The following TRPC5 variants were observed in gnomAD, a reference collection of about 807,000 sequenced individuals.
TRPC5 encodes short transient receptor potential channel 5.
A neutral mutation model predicts 56.5 loss-of-function variants in TRPC5; 9 were observed. The ratio of observed to expected loss-of-function variants is 0.16; its 90% CI spans 0.10 to 0.28. TRPC5 has a LOEUF of 0.28. Among genes scored for constraint, TRPC5 ranks in the 10% least tolerant of loss-of-function variants. TRPC5 has a pLI of 1.00. For synonymous variants in TRPC5, 282 were observed against 278.5 expected (o/e 1.01, Z -0.13); for missense variants, 469 against 748.9 (o/e 0.63, Z 4.36).
chrX:112,031,923 T>TAA (rs1408316984), intron 1 of TRPC5, among the ~76,000 whole-genome samples: 5 of 109,326 alleles, frequency 4.6e-5, no homozygotes, highest in Admixed American at 2.0e-4. Flanking sequence ...TATATATATA[T>TAA]AATCTCAAAA....
In TRPC5 at chrX:111,852,566, T is replaced by C. The variant is rs1217731757; in HGVS notation, c.1238-129A>G. 8 of 727,287 alleles carry C rather than the reference T, an allele frequency of 1.1e-5. No individual in the cohort carries two copies. The African/African-American group carries it at 1.8e-4, about 16-fold the overall frequency. The allele number at this position is 727,287 out of a possible 1,213,427, so 59.9% of individuals were successfully genotyped here. A position where few individuals can be genotyped will look rare whatever the true frequency, so the allele number is the denominator to read the frequency against. On this transcript the variant is annotated intron_variant, in intron 4 of 10. Transcript: ENST00000262839. ...TTGGGGTCTCAGTGGAGTGAAGCCTTGAGAGACAATAATCACTTGCTTTCC... is the reference window on the plus strand; with the variant it reads ...TTGGGGTCTCAGTGGAGTGAAGCCTCGAGAGACAATAATCACTTGCTTTCC...
intron 7 of TRPC5, among the ~76,000 whole-genome samples, chrX:111,821,456 G>A (rs763201821): frequency 1.8e-5 from 2 of 111,503 alleles, no homozygotes; most frequent in South Asian, 7.6e-4. Flanking sequence ...CAAGTAAAAG[G>A]GAGAGTAATG....
intron 7 of TRPC5, among the ~76,000 whole-genome samples, chrX:111,832,230 C>A (rs183078811): frequency 9.0e-6 from 1 of 111,694 alleles, no homozygotes. Context: ...TGCTACAGAG[C>A]CATATATTCA....
chrX:111,826,490 G>C (rs1450968167), intron 7 of TRPC5, among the ~76,000 whole-genome samples: 1 of 112,241 alleles, frequency 8.9e-6, no homozygotes. Context: ...TCCAGACAAT[G>C]GTTTGGCAAC....
At chrX:112,050,352 A>G (rs369649465) in intron 1 of TRPC5, among the ~76,000 whole-genome samples, 18 of 112,654 alleles carry the variant, frequency 1.6e-4, no homozygotes, top group South Asian at 1.1e-3. Flanking sequence ...GGGCTCTCAC[A>G]TGGTATGACA....
At chrX:111,986,856 G>C (rs1421252615) in intron 1 of TRPC5, among the ~76,000 whole-genome samples, 1 of 111,418 alleles carries the variant, frequency 9.0e-6, no homozygotes, top group African/African-American at 3.3e-5. Flanking sequence ...TTGATTTTCA[G>C]CAATCTCAGT....
intron 2 of TRPC5, among the ~76,000 whole-genome samples, chrX:111,947,952 A>C (rs1239387635): frequency 8.9e-6 from 1 of 111,934 alleles, no homozygotes; most frequent in East Asian, 2.8e-4. Flanking sequence ...TCCATTTATT[A>C]CAATTCTTAG....
intron 2 of TRPC5, among the ~76,000 whole-genome samples, chrX:111,915,943 A>AAAACAAAC (rs10669428): frequency 9.2e-6 from 1 of 109,254 alleles, no homozygotes; most frequent in South Asian, 4.1e-4. Context: ...CTGTCTCTAA[A>AAAACAAAC]AAACAAACAA....
chrX:111,937,846 T>G (rs1603107477), intron 2 of TRPC5, among the ~76,000 whole-genome samples: 1 of 106,924 alleles, frequency 9.4e-6, no homozygotes, highest in East Asian at 2.9e-4. Context: ...TTTGGTTCCA[T>G]ATGAACTTTA....
At chrX:112,066,573 T>A (rs1231279526) in intron 1 of TRPC5, among the ~76,000 whole-genome samples, 2 of 112,446 alleles carry the variant, frequency 1.8e-5, no homozygotes, top group African/African-American at 6.5e-5. Context: ...TGGGCTAGCC[T>A]GTGTTTGAAT....
intron 7 of TRPC5, among the ~76,000 whole-genome samples, chrX:111,806,117 A>C (rs1203298500): frequency 1.8e-5 from 2 of 112,306 alleles, no homozygotes; most frequent in African/African-American, 6.5e-5. Flanking sequence ...ATTTTACTTA[A>C]TATGTTGGGT....
At chrX:111,863,460 G>A (rs770451527) in intron 3 of TRPC5, among the ~76,000 whole-genome samples, 1 of 112,089 alleles carries the variant, frequency 8.9e-6, no homozygotes, top group Non-Finnish European at 1.9e-5. Context: ...GATTTTGTAT[G>A]TTATCTTGCA....
At chrX:111,831,630 C>A (rs1405302906) in intron 7 of TRPC5, among the ~76,000 whole-genome samples, 1 of 112,139 alleles carries the variant, frequency 8.9e-6, no homozygotes, top group African/African-American at 3.2e-5. Context: ...TCTCCCCAAG[C>A]CATCCAGCAG....
intron 3 of TRPC5, among the ~76,000 whole-genome samples, chrX:111,869,145 G>A (rs1220796428): frequency 9.2e-6 from 1 of 109,010 alleles, no homozygotes; most frequent in African/African-American, 3.3e-5. Context: ...ATTAAGCAGT[G>A]CAGCATTTTT....
intron 6 of TRPC5, among the ~76,000 whole-genome samples, chrX:111,835,602 T>A (rs1052433179): frequency 9.0e-6 from 1 of 111,264 alleles, no homozygotes; most frequent in African/African-American, 3.3e-5. Flanking sequence ...TCCTGGCTAA[T>A]ACGGTGAAAC....
chrX:111,826,870 G>A (rs1457997954), intron 7 of TRPC5, among the ~76,000 whole-genome samples: 1 of 111,622 alleles, frequency 9.0e-6, no homozygotes, highest in Non-Finnish European at 1.9e-5. Context: ...ATTATAATGA[G>A]CCCTTTTATC....
At chrX:111,904,483 G>A (rs1318794242) in intron 3 of TRPC5, among the ~76,000 whole-genome samples, 1 of 111,659 alleles carries the variant, frequency 9.0e-6, no homozygotes, top group Non-Finnish European at 1.9e-5. Flanking sequence ...GTCCTTTACA[G>A]GGACATGGAT....
chrX:111,974,353 A>T (rs1003462236), intron 1 of TRPC5, among the ~76,000 whole-genome samples: 6 of 111,200 alleles, frequency 5.4e-5, no homozygotes, highest in Non-Finnish European at 1.1e-4. Flanking sequence ...ATAGTTGTAC[A>T]GAGAAAGTAC....
chrX:111,782,185 G>A (rs1380795106), intron 7 of TRPC5, 47 bp from the exon 8 acceptor site: 3 of 1,074,219 alleles, frequency 2.8e-6, no homozygotes, highest in East Asian at 3.1e-5. Flanking sequence ...GAAACTGCAC[G>A]ATGTACTCAC....
Sources: allele counts gnomAD v4.1 joint callset (sites outside exome capture counted in the v4.1 genomes callset), GRCh38; gene constraint gnomAD v4.1.1; transcripts MANE v1.5; gene names NCBI Gene and HGNC (gene_info 2026-07-23, HGNC 2026-07-21).